The following DRD3 variants were observed in gnomAD, a reference collection of about 807,000 sequenced individuals.
DRD3 encodes the protein D(3) dopamine receptor.
Under a neutral mutation model 36.3 loss-of-function variants are expected in DRD3, and 19 were observed. The observed-to-expected ratio is 0.52, with a 90% CI of 0.36 to 0.77. The LOEUF (loss-of-function observed/expected upper bound fraction) is 0.77, where lower values mean the gene tolerates loss of function less well. Among genes scored for constraint, DRD3 ranks in the 30% least tolerant of loss-of-function variants. The probability of loss-of-function intolerance (pLI) is 0.00; values close to 1 mark genes in which losing one functional copy is unlikely to be tolerated. For missense variants in DRD3, 465 were observed against 505.3 expected, an observed-to-expected ratio of 0.92 and a Z score of 0.77; for synonymous variants, 195 against 203.7, an observed-to-expected ratio of 0.96 and a Z score of 0.36.
chr3:114,180,797 A>C (rs2077943033), upstream of DRD3, among the ~76,000 whole-genome samples: 1 of 152,154 alleles, frequency 6.6e-6, no homozygotes, highest in South Asian at 2.1e-4. Flanking sequence ...TGTGAACTCC[A>C]AGGCTTTTCT....
chr3:114,154,571 GC>G (rs2077648152), intron 3 of DRD3, among the ~76,000 whole-genome samples: 1 of 152,070 alleles, frequency 6.6e-6, no homozygotes, highest in Non-Finnish European at 1.5e-5. Context: ...GAAGGAGAAA[GC>G]TTTTTGCAAA....
chr3:114,169,370 AG>A (rs965036425), intron 2 of DRD3, among the ~76,000 whole-genome samples: 5 of 149,634 alleles, frequency 3.3e-5, no homozygotes, highest in African/African-American at 9.8e-5. Context: ...TGGGTCTTGA[AG>A]CAAATTGGTA....
At chr3:114,159,356 A>G (rs1012677442) in intron 3 of DRD3, among the ~76,000 whole-genome samples, 1 of 147,842 alleles carries the variant, frequency 6.8e-6, no homozygotes, top group Non-Finnish European at 1.5e-5. Context: ...CCTTCTCTCC[A>G]TCTCTCCCTT....
rs1179688666 is a variant in DRD3 at position 114,171,822 on chromosome 3, C to A, written c.171G>T (p.Glu57Asp). 1.2e-6 allele frequency: 2 copies of A among 1,614,020 alleles called. No individual in the cohort carries two copies. Among genetic ancestry groups the A allele is most frequent in the Non-Finnish European group, 1.7e-6 (2 of 1,179,996 alleles). Residue 57 changes from glutamate to aspartate, a missense_variant, in exon 2 of 7, where the codon GAG becomes GAT. Coordinates refer to ENST00000383673, the MANE Select transcript of DRD3 (RefSeq NM_000796.6). ...AGTTGGTGGTAGTCTGCAGGGCCCG[C>A]TCCTTCAGCACAGCCATGCACACCA... is the stretch of plus-strand genomic sequence containing the variant. ...NGLVCMAVLKERALQTTTNYL... is the reference protein window; with the variant it reads ...NGLVCMAVLKDRALQTTTNYL...
intron 3 of DRD3, among the ~76,000 whole-genome samples, chr3:114,158,932 A>T (rs1372002673): frequency 6.6e-6 from 1 of 151,824 alleles, no homozygotes; most frequent in East Asian, 1.9e-4. Context: ...CTTGAAAGTG[A>T]CCTCCTTTCC....
At chr3:114,154,188 C>T (rs111256319) in intron 3 of DRD3, among the ~76,000 whole-genome samples, 2 of 152,306 alleles carry the variant, frequency 1.3e-5, no homozygotes, top group African/African-American at 4.8e-5. Flanking sequence ...CTTCTGACTT[C>T]TGGTTCTATG....
intron 2 of DRD3, among the ~76,000 whole-genome samples, chr3:114,167,855 A>G (rs1309102198): frequency 6.6e-6 from 1 of 152,256 alleles, no homozygotes; most frequent in Non-Finnish European, 1.5e-5. Context: ...ACATCTTGAT[A>G]CTTCTACTAG....
At chr3:114,165,487 G>C (rs2077775168) in intron 2 of DRD3, among the ~76,000 whole-genome samples, 2 of 152,062 alleles carry the variant, frequency 1.3e-5, no homozygotes. Context: ...GATTTCTACT[G>C]GTGACACTAA....
At chr3:114,177,718 C>T (rs899406730) in intron 1 of DRD3, among the ~76,000 whole-genome samples, 2 of 152,158 alleles carry the variant, frequency 1.3e-5, no homozygotes, top group African/African-American at 4.8e-5. Context: ...TTGCTCACTG[C>T]TAGCCATACA....
At chr3:114,176,995 A>G (rs1486274109) in intron 1 of DRD3, among the ~76,000 whole-genome samples, 1 of 152,170 alleles carries the variant, frequency 6.6e-6, no homozygotes, top group Non-Finnish European at 1.5e-5. Context: ...TAAATGATGG[A>G]GTTGATTCAA....
chr3:114,155,449 A>G (rs965291658), intron 3 of DRD3, among the ~76,000 whole-genome samples: 3 of 152,116 alleles, frequency 2.0e-5, no homozygotes, highest in Non-Finnish European at 2.9e-5. Flanking sequence ...GAGTTTTCCT[A>G]TATGGGACAG....
At chr3:114,171,674 C>T in intron 2 of DRD3, 49 bp downstream of exon 2, 4 of 1,470,764 alleles carry the variant, frequency 2.7e-6, no homozygotes, top group Non-Finnish European at 3.6e-6. Context: ...TCAGGGAAGA[C>T]AAGTACTAGC....
chr3:114,134,381 A>G (rs2077457545), intron 5 of DRD3, among the ~76,000 whole-genome samples: 1 of 151,978 alleles, frequency 6.6e-6, no homozygotes, highest in Non-Finnish European at 1.5e-5. Context: ...TACAGGTGTG[A>G]GCCAACATGC....
intron 3 of DRD3, among the ~76,000 whole-genome samples, chr3:114,151,837 T>C (rs2077620951): frequency 6.6e-6 from 1 of 152,244 alleles, no homozygotes; most frequent in Non-Finnish European, 1.5e-5. Flanking sequence ...GACAGCTCTC[T>C]GAGTTCTTGT....
At chr3:114,146,488 C>A (rs1042335909) in intron 4 of DRD3, among the ~76,000 whole-genome samples, 1 of 151,952 alleles carries the variant, frequency 6.6e-6, no homozygotes, top group African/African-American at 2.4e-5. Context: ...GAGGCCGAGG[C>A]GGGCTGATCA....
chr3:114,152,978 CCT>C (rs1290765705), intron 3 of DRD3, among the ~76,000 whole-genome samples: 1 of 152,230 alleles, frequency 6.6e-6, no homozygotes, highest in East Asian at 1.9e-4. Flanking sequence ...CCCTGCAGAC[CCT>C]GAGCCAGGGA....
intron 5 of DRD3, among the ~76,000 whole-genome samples, chr3:114,134,870 G>C (rs1278080802): frequency 6.6e-6 from 1 of 152,158 alleles, no homozygotes; most frequent in Non-Finnish European, 1.5e-5. Flanking sequence ...CATACAATGT[G>C]TAATGATCAA....
chr3:114,194,750 G>C (rs951525931), intron 1 of DRD3, among the ~76,000 whole-genome samples: 1 of 151,974 alleles, frequency 6.6e-6, no homozygotes, highest in Non-Finnish European at 1.5e-5. Flanking sequence ...CAAGTGTGCT[G>C]TATTGTCTTG....
intron 1 of DRD3, among the ~76,000 whole-genome samples, chr3:114,190,423 T>G (rs2077998851): frequency 2.0e-4 from 1 of 5,002 alleles, no homozygotes; most frequent in Non-Finnish European, 3.9e-4. Context: ...TATATATATA[T>G]ATATATATAT....
Sources: gnomAD v4.1 joint callset for allele counts (sites outside exome capture counted in the v4.1 genomes callset) on GRCh38, gnomAD v4.1.1 for gene constraint, MANE v1.5 for transcripts, NCBI Gene and HGNC (gene_info 2026-07-23, HGNC 2026-07-21) for gene names.